The following CADM2 variants were observed in gnomAD, a reference collection of about 807,000 sequenced individuals.
CADM2 encodes immunoglobulin superfamily member 4D.
CADM2 carries 12 observed loss-of-function variants against 49.8 expected under a neutral mutation model. That is an observed-to-expected ratio of 0.24 (90% confidence interval 0.15 to 0.39). The LOEUF (loss-of-function observed/expected upper bound fraction) is 0.39, where lower values mean the gene tolerates loss of function less well. Ranked by LOEUF, CADM2 falls within the 10% of genes least tolerant of loss-of-function variation. CADM2 has a pLI of 1.00. For synonymous variants in CADM2, 214 were observed against 175.4 expected (o/e 1.22, Z -1.74); for missense variants, 378 against 492.3 (o/e 0.77, Z 2.20).
At chr3:85,699,598 G>T (rs1221343244) in intron 1 of CADM2, among the ~76,000 whole-genome samples, 1 of 152,198 alleles carries the variant, frequency 6.6e-6, no homozygotes. Context: ...GCTTTACCTG[G>T]GCCTCTTTGA....
chr3:85,004,990 T>A (rs746803453), intron 1 of CADM2, among the ~76,000 whole-genome samples: 2 of 152,194 alleles, frequency 1.3e-5, no homozygotes, highest in African/African-American at 2.4e-5. Context: ...TGCTCTGTTC[T>A]GAAGCTCAAA....
intron 1 of CADM2, among the ~76,000 whole-genome samples, chr3:85,679,630 T>C (rs932982116): frequency 6.6e-5 from 10 of 152,148 alleles, no homozygotes; most frequent in African/African-American, 1.4e-4. Context: ...AATGGTAACA[T>C]GTTTGACAAT....
At chr3:84,970,789 G>T (rs1253903470) in intron 1 of CADM2, among the ~76,000 whole-genome samples, 1 of 151,988 alleles carries the variant, frequency 6.6e-6, no homozygotes, top group East Asian at 1.9e-4. Flanking sequence ...TCTGTATGAT[G>T]CTACAGTTGC....
intron 8 of CADM2, among the ~76,000 whole-genome samples, chr3:85,985,162 C>G (rs1727938473): frequency 6.6e-6 from 1 of 151,990 alleles, no homozygotes; most frequent in South Asian, 2.1e-4. Context: ...GTTCTGGAGG[C>G]TGGGAAAGCC....
chr3:85,939,579 G>A (rs560930920), intron 7 of CADM2, among the ~76,000 whole-genome samples: 1 of 151,316 alleles, frequency 6.6e-6, no homozygotes, highest in South Asian at 2.1e-4. Flanking sequence ...TGTAAATAAT[G>A]AGTCATCATT....
intron 8 of CADM2, among the ~76,000 whole-genome samples, chr3:85,989,496 A>G (rs1728502471): frequency 6.6e-6 from 1 of 152,100 alleles, no homozygotes; most frequent in African/African-American, 2.4e-5. Context: ...TGTTAATTGA[A>G]TTCATCTGAA....
chr3:84,961,418 C>T (rs2030498402), intron 1 of CADM2, among the ~76,000 whole-genome samples: 1 of 152,094 alleles, frequency 6.6e-6, no homozygotes, highest in African/African-American at 2.4e-5. Context: ...TCATGTGTGC[C>T]AGAATCTCCG....
intron 1 of CADM2, among the ~76,000 whole-genome samples, chr3:85,418,980 T>A (rs1020084761): frequency 6.8e-6 from 1 of 146,320 alleles, no homozygotes; most frequent in Non-Finnish European, 1.5e-5. Flanking sequence ...GAAAAAAAAA[T>A]GAGAAGGGTT....
chr3:85,175,760 A>T (rs996301236), intron 1 of CADM2, among the ~76,000 whole-genome samples: 3 of 152,154 alleles, frequency 2.0e-5, no homozygotes, highest in South Asian at 2.1e-4. Flanking sequence ...TTATATATAT[A>T]TTTTACCACA....
chr3:85,071,057 T>C (rs1218631080), intron 1 of CADM2, among the ~76,000 whole-genome samples: 4 of 151,602 alleles, frequency 2.6e-5, no homozygotes, highest in Admixed American at 6.6e-5. Context: ...TTATTATGTC[T>C]TGTATAGTGA....
intron 1 of CADM2, among the ~76,000 whole-genome samples, chr3:85,426,490 T>C (rs768324277): frequency 2.0e-5 from 3 of 152,112 alleles, no homozygotes; most frequent in Non-Finnish European, 2.9e-5. Flanking sequence ...AATTAAAAAA[T>C]AACTTTTGTG....
At chr3:85,125,123 A>G (rs1365135788) in intron 1 of CADM2, among the ~76,000 whole-genome samples, 2 of 152,154 alleles carry the variant, frequency 1.3e-5, no homozygotes, top group Admixed American at 1.3e-4. Flanking sequence ...AGAATGTCCA[A>G]ATTCCCTAGA....
intron 6 of CADM2, among the ~76,000 whole-genome samples, chr3:85,921,843 C>G (rs1028306667): frequency 7.9e-5 from 12 of 152,002 alleles, no homozygotes; most frequent in African/African-American, 2.7e-4. Context: ...TCTCACTTTA[C>G]TTCTCCCACA....
At chr3:85,409,915 G>C (rs538969352) in intron 1 of CADM2, among the ~76,000 whole-genome samples, 37 of 152,220 alleles carry the variant, frequency 2.4e-4, no homozygotes, top group South Asian at 1.9e-3. Flanking sequence ...ACAAAAATCT[G>C]TTAATATTGA....
At chr3:85,763,838 C>A (rs939595708) in intron 2 of CADM2, among the ~76,000 whole-genome samples, 26 of 152,110 alleles carry the variant, frequency 1.7e-4, no homozygotes, top group Non-Finnish European at 3.1e-4. Context: ...GATTTGTTTT[C>A]TCTGTCCTTA....
At chr3:85,471,238 G>C (rs1388953892) in intron 1 of CADM2, among the ~76,000 whole-genome samples, 1 of 152,022 alleles carries the variant, frequency 6.6e-6, no homozygotes, top group African/African-American at 2.4e-5. Context: ...CCAGGATATT[G>C]CCATCTTCTC....
At chr3:85,725,091 A>G (rs1363142657) in intron 1 of CADM2, among the ~76,000 whole-genome samples, 1 of 151,920 alleles carries the variant, frequency 6.6e-6, no homozygotes, top group Non-Finnish European at 1.5e-5. Context: ...CTGTGAAATA[A>G]AAGAGTTTGA....
chr3:85,703,541 C>T (rs574578395), intron 1 of CADM2, among the ~76,000 whole-genome samples: 96 of 152,144 alleles, frequency 6.3e-4, no homozygotes, highest in African/African-American at 2.1e-3. Flanking sequence ...TAGAGTGGGG[C>T]AGGTTCCCAG....
chr3:85,463,718 A>G (rs557957332), intron 1 of CADM2, among the ~76,000 whole-genome samples: 220 of 152,284 alleles, frequency 1.4e-3, no homozygotes, highest in African/African-American at 4.9e-3. Flanking sequence ...AATGGTGTGG[A>G]AAATAATTTT....
Sources: gnomAD v4.1 joint callset for allele counts (sites outside exome capture counted in the v4.1 genomes callset) on GRCh38, gnomAD v4.1.1 for gene constraint, MANE v1.5 for transcripts, NCBI Gene and HGNC (gene_info 2026-07-23, HGNC 2026-07-21) for gene names.